Variants in SNAP23 observed in about 807,000 individuals in gnomAD.
SNAP23 encodes the protein synaptosome associated protein 23.
Under a neutral mutation model 29.0 loss-of-function variants are expected in SNAP23, and 11 were observed. The ratio of observed to expected loss-of-function variants is 0.38; its 90% CI spans 0.24 to 0.63. SNAP23 has a LOEUF of 0.63. Ranked by LOEUF, SNAP23 falls within the 20% of genes least tolerant of loss-of-function variation. The pLI is 0.58. For missense variants in SNAP23, 220 were observed against 253.9 expected, an observed-to-expected ratio of 0.87 and a Z score of 0.91; for synonymous variants, 60 against 82.9, an observed-to-expected ratio of 0.72 and a Z score of 1.50.
At chr15:42,529,983 G>A (rs1192731589) in intron 7 of SNAP23, among the ~76,000 whole-genome samples, 164 bp downstream of exon 7, 1 of 152,156 alleles carries the variant, frequency 6.6e-6, no homozygotes, top group African/African-American at 2.4e-5. Flanking sequence ...CAAGAGCCAA[G>A]TCCTCCCTGT....
At chr15:42,500,030 A>G (rs1199766780) in intron 1 of SNAP23, among the ~76,000 whole-genome samples, 1 of 152,150 alleles carries the variant, frequency 6.6e-6, no homozygotes, top group Non-Finnish European at 1.5e-5. Context: ...CTGTGGTCCC[A>G]GCTACTCAGA....
intron 6 of SNAP23, among the ~76,000 whole-genome samples, chr15:42,529,442 G>T (rs1462484357): frequency 1.3e-5 from 2 of 152,194 alleles, no homozygotes; most frequent in African/African-American, 4.8e-5. Flanking sequence ...TAAGCTTTGA[G>T]AAACACTGTT....
intron 5 of SNAP23, among the ~76,000 whole-genome samples, chr15:42,516,165 AGTTTT>A (rs757620501): frequency 7.2e-5 from 11 of 152,128 alleles, no homozygotes; most frequent in Non-Finnish European, 1.6e-4. Flanking sequence ...CACTGCTGAA[AGTTTT>A]GTTTTGTTTT....
At chr15:42,510,823 T>C (rs1252428690) in intron 1 of SNAP23, among the ~76,000 whole-genome samples, 2 of 152,138 alleles carry the variant, frequency 1.3e-5, no homozygotes, top group Non-Finnish European at 2.9e-5. Flanking sequence ...AAGAGTGTTG[T>C]AGGATGTTAA....
At chr15:42,500,785 A>C (rs1567041807) in intron 1 of SNAP23, among the ~76,000 whole-genome samples, 2 of 152,192 alleles carry the variant, frequency 1.3e-5, no homozygotes. Context: ...TGGAGCCAGG[A>C]AACAAAATGT....
intron 1 of SNAP23, among the ~76,000 whole-genome samples, chr15:42,501,069 G>T (rs1432185945): frequency 6.6e-6 from 1 of 152,118 alleles, no homozygotes; most frequent in Admixed American, 6.5e-5. Context: ...AGCCAGGTGT[G>T]GTGGTGTGTC....
upstream of SNAP23, among the ~76,000 whole-genome samples, chr15:42,493,577 T>C (rs1484024729): frequency 6.6e-6 from 1 of 152,066 alleles, no homozygotes; most frequent in African/African-American, 2.4e-5. Flanking sequence ...AACTCAACCA[T>C]ACATTTTCTC....
intron 6 of SNAP23, among the ~76,000 whole-genome samples, chr15:42,528,641 AGTG>A (rs1208766289): frequency 6.6e-6 from 1 of 152,134 alleles, no homozygotes; most frequent in African/African-American, 2.4e-5. Flanking sequence ...GCTGGAGTGC[AGTG>A]GCGTGATCTC....
At chr15:42,524,515 T>C (rs1253744521) in intron 5 of SNAP23, among the ~76,000 whole-genome samples, 2 of 152,124 alleles carry the variant, frequency 1.3e-5, no homozygotes, top group East Asian at 1.9e-4. Context: ...AAGAACCCTA[T>C]TGTGAACTGT....
upstream of SNAP23, among the ~76,000 whole-genome samples, chr15:42,492,570 C>T (rs1207863557): frequency 6.8e-6 from 1 of 148,020 alleles, no homozygotes; most frequent in Admixed American, 6.9e-5. Flanking sequence ...CCCAGCTACT[C>T]GGAAGGCTGA....
At chr15:42,497,694 C>T (rs747256890) in intron 1 of SNAP23, among the ~76,000 whole-genome samples, 1 of 152,204 alleles carries the variant, frequency 6.6e-6, no homozygotes, top group Non-Finnish European at 1.5e-5. Flanking sequence ...CACAATCATG[C>T]CTTCCCAACA....
At chr15:42,510,199 G>T (rs1479899624) in intron 1 of SNAP23, among the ~76,000 whole-genome samples, 1 of 152,110 alleles carries the variant, frequency 6.6e-6, no homozygotes, top group East Asian at 1.9e-4. Context: ...GCAGTGCCAT[G>T]ATCTTGACTT....
intron 1 of SNAP23, among the ~76,000 whole-genome samples, chr15:42,506,015 G>A (rs1342138318): frequency 1.4e-5 from 2 of 146,214 alleles, no homozygotes; most frequent in Non-Finnish European, 3.0e-5. Flanking sequence ...GCATGATCTC[G>A]ACTAACTGCA....
At chr15:42,494,878 G>C (rs1461803762), upstream of SNAP23, among the ~76,000 whole-genome samples, 3 of 152,088 alleles carry the variant, frequency 2.0e-5, no homozygotes, top group Non-Finnish European at 2.9e-5. Context: ...GCATGGAGGG[G>C]TTCCTGCAGC....
chr15:42,495,579 G>T (rs1451941533), upstream of SNAP23: 1 of 152,318 alleles, frequency 6.6e-6, no homozygotes, highest in Non-Finnish European at 1.5e-5. Context: ...CTGCAGGGGT[G>T]TGTCTGTGTC....
intron 1 of SNAP23, among the ~76,000 whole-genome samples, chr15:42,506,973 A>C (rs935650623): frequency 2.6e-5 from 4 of 151,974 alleles, no homozygotes. Context: ...CATGCGCCCC[A>C]TGCCCAGCTA....
chr15:42,525,377 A>C (rs1302969362), intron 5 of SNAP23, among the ~76,000 whole-genome samples: 1 of 151,012 alleles, frequency 6.6e-6, no homozygotes, highest in African/African-American at 2.4e-5. Flanking sequence ...CAAAAAAAAA[A>C]AAAAAAATTC....
chr15:42,529,274 T>G (rs1474875264), intron 6 of SNAP23, among the ~76,000 whole-genome samples: 1 of 152,196 alleles, frequency 6.6e-6, no homozygotes, highest in Non-Finnish European at 1.5e-5. Context: ...GGGCAGTGCT[T>G]CTTTAGATAG....
intron 5 of SNAP23, among the ~76,000 whole-genome samples, chr15:42,524,500 G>A (rs2057479010): frequency 6.6e-6 from 1 of 152,170 alleles, no homozygotes; most frequent in Non-Finnish European, 1.5e-5. Context: ...CATTCTCATA[G>A]GAGCAAGAAC....
Sources: allele counts gnomAD v4.1 joint callset (sites outside exome capture counted in the v4.1 genomes callset), GRCh38; gene constraint gnomAD v4.1.1; transcripts MANE v1.5; gene names NCBI Gene and HGNC (gene_info 2026-07-23, HGNC 2026-07-21).